Variants in FBXL13 observed in about 807,000 individuals in gnomAD.
FBXL13 encodes the protein F-box and leucine rich repeat protein 13.
FBXL13 carries 67 observed loss-of-function variants against 83.6 expected under a neutral mutation model. The observed-to-expected ratio is 0.80, with a 90% CI of 0.66 to 0.98. FBXL13 has a LOEUF of 0.98. Ranked by LOEUF, FBXL13 falls within the 50% of genes least tolerant of loss-of-function variation. The probability of loss-of-function intolerance (pLI) is 0.00; values close to 1 mark genes in which losing one functional copy is unlikely to be tolerated. For synonymous variants in FBXL13, 272 were observed against 299.5 expected, an observed-to-expected ratio of 0.91 and a Z score of 0.95; for missense variants, 822 against 866.5, an observed-to-expected ratio of 0.95 and a Z score of 0.64.
chr7:103,063,720 T>C (rs1798136505), intron 1 of FBXL13, among the ~76,000 whole-genome samples: 1 of 148,842 alleles, frequency 6.7e-6, no homozygotes. Context: ...GGCTTTTTTT[T>C]TTTTTTTTTT....
chr7:102,905,031 A>G (rs1813536908), intron 11 of FBXL13, among the ~76,000 whole-genome samples: 1 of 152,062 alleles, frequency 6.6e-6, no homozygotes, highest in South Asian at 2.1e-4. Flanking sequence ...GTGAACTAAC[A>G]TATGATCTAT....
intron 8 of FBXL13, among the ~76,000 whole-genome samples, chr7:102,951,734 G>A (rs1487649089): frequency 6.8e-6 from 1 of 147,706 alleles, no homozygotes; most frequent in African/African-American, 2.5e-5. Context: ...AAGCCCAACA[G>A]GTTGAGGCTG....
Position 102,832,903 on chromosome 7 carries a change from A to G in FBXL13, c.1791T>C (p.Ile597=), listed in dbSNP as rs368475601. 5.0e-6 allele frequency: 8 copies of G among 1,614,112 alleles called. No individual in the cohort carries two copies. In the African/African-American group the frequency reaches 1.1e-4, roughly 22 times the overall value. ...TGCAGTAAATGGCCAGTGCTTTGAT[A>G]ATCATATCTGACAGCTGGGAGCAAT... The change falls in exon 18 of 20, where the codon ATT becomes ATC. Residue 597 remains isoleucine (I), a synonymous_variant. Transcript: ENST00000313221.
chr7:102,934,202 A>G, intron 8 of FBXL13: 1 of 1,614,242 alleles, frequency 6.2e-7, no homozygotes, highest in Non-Finnish European at 8.5e-7. Context: ...CCGCACATTG[A>G]AGAACAACAT....
intron 6 of FBXL13, among the ~76,000 whole-genome samples, chr7:102,985,535 C>CT (rs1326863791): frequency 6.6e-6 from 1 of 152,190 alleles, no homozygotes; most frequent in Non-Finnish European, 1.5e-5. Context: ...GTGTTCAATA[C>CT]TTTTTTTCTA....
intron 18 of FBXL13, among the ~76,000 whole-genome samples, chr7:102,828,606 T>C (rs1800132090): frequency 1.3e-5 from 2 of 152,220 alleles, no homozygotes; most frequent in Admixed American, 1.3e-4. Flanking sequence ...CTTCATGCCT[T>C]TCCACTCCTA....
intron 17 of FBXL13, among the ~76,000 whole-genome samples, chr7:102,848,397 A>T (rs1220020342): frequency 2.0e-5 from 2 of 100,592 alleles, no homozygotes; most frequent in African/African-American, 1.2e-4. Context: ...TCTACTAAAA[A>T]TACAAAAAAT....
intron 11 of FBXL13, among the ~76,000 whole-genome samples, chr7:102,906,974 GT>G (rs869045881): frequency 6.6e-6 from 1 of 150,926 alleles, no homozygotes; most frequent in Admixed American, 6.6e-5. Context: ...GTTTGTTTTT[GT>G]TTTTTTTGGT....
rs144567080 is a variant in FBXL13, at chr7:102,967,445, G to A, written c.591+577C>T. On this transcript the variant is annotated intron_variant, in intron 7 of 19. Coordinates refer to ENST00000313221, the Ensembl canonical transcript of FBXL13. ...CTGCCACCATGCCTAGCTAATTTTT[G>A]TATTTTTAGTAGAGACAGGGTTTCA... 7.8e-3 allele frequency among the ~76,000 whole-genome samples: 1,188 copies of A among 152,202 alleles called. 17 individuals are homozygous for A. The highest frequency in any genetic ancestry group is 0.027 in the African/African-American group (1,130 of 41,534).
chr7:102,932,065 T>C, intron 8 of FBXL13, 132 bp from the exon 10 acceptor site: 3 of 749,458 alleles, frequency 4.0e-6, no homozygotes, highest in Non-Finnish European at 6.2e-6. Flanking sequence ...ATGTTCTAAG[T>C]ATATGGTTTC....
intron 16 of FBXL13, among the ~76,000 whole-genome samples, chr7:102,861,865 C>T (rs756908396): frequency 2.6e-5 from 4 of 151,690 alleles, no homozygotes; most frequent in Admixed American, 6.6e-5. Flanking sequence ...GCTTGTAATC[C>T]CGGCTACTCG....
At chr7:102,813,702 G>C (rs749406860) in intron 19 of FBXL13, among the ~76,000 whole-genome samples, 171 bp from the exon 21 acceptor site, 26 of 144,940 alleles carry the variant, frequency 1.8e-4, no homozygotes, top group Non-Finnish European at 3.2e-4. Flanking sequence ...AAATAAACAG[G>C]GTCCCAAAGC....
intron 2 of FBXL13, among the ~76,000 whole-genome samples, chr7:103,042,104 T>C (rs896674360): frequency 2.6e-5 from 4 of 152,212 alleles, no homozygotes; most frequent in Admixed American, 6.5e-5. Context: ...CTCCTTAAGC[T>C]GATAAGCAAC....
intron 19 of FBXL13, among the ~76,000 whole-genome samples, chr7:102,819,309 C>G (rs897295063): frequency 3.9e-5 from 6 of 152,090 alleles, no homozygotes; most frequent in Admixed American, 6.5e-5. Context: ...AATAAAGGAG[C>G]CTTTATCTTG....
intron 8 of FBXL13, among the ~76,000 whole-genome samples, chr7:102,941,552 CCT>C (rs1430284086): frequency 6.6e-6 from 1 of 152,148 alleles, no homozygotes; most frequent in Non-Finnish European, 1.5e-5. Context: ...TTGCAATTCC[CCT>C]GTCTTGATAA....
rs919108632 is a variant in FBXL13, at chr7:102,877,551, A to G, written c.1551T>C (p.His517=). Residue 517 remains histidine, a synonymous_variant, in exon 16 of 20, where the codon CAT becomes CAC. Coordinates refer to ENST00000313221, the Ensembl canonical transcript of FBXL13. ...TATATCCAATTCCTTGGGCAGTCAA[A>G]TGTTCACAATTTCGTAAACTCAAGT... 2.5e-6 allele frequency: 4 copies of G among 1,611,076 alleles called. No homozygotes were observed. In the African/African-American group the frequency reaches 5.3e-5, roughly 22 times the overall value.
chr7:102,934,773 T>C, intron 8 of FBXL13: 1 of 1,180,584 alleles, frequency 8.5e-7, no homozygotes, highest in Non-Finnish European at 1.2e-6. Flanking sequence ...CACCATGTCT[T>C]GGAATTCGTG....
Position 102,859,376 on chromosome 7 carries a change from C to T in FBXL13, c.1636-4516G>A, listed in dbSNP as rs545571894. On this transcript the variant is annotated intron_variant, in intron 16 of 19. Transcript: ENST00000313221. Reference sequence around the variant, plus strand: ...AATAAGTGAAACACACTATTTCAGGCAACAGGATTCACTTTTAATGTGGGT... The same window carrying T: ...AATAAGTGAAACACACTATTTCAGGTAACAGGATTCACTTTTAATGTGGGT... 2.5e-4 allele frequency among the ~76,000 whole-genome samples: 38 copies of T among 152,000 alleles called. 1 individual carries two copies. The South Asian group carries it at 7.9e-3, about 32-fold the overall frequency.
intron 6 of FBXL13, among the ~76,000 whole-genome samples, chr7:103,009,186 A>T (rs534690751): frequency 2.0e-5 from 3 of 152,328 alleles, no homozygotes; most frequent in South Asian, 4.1e-4. Context: ...TGACATATTA[A>T]TATGACATTT....
Sources: allele counts gnomAD v4.1 joint callset (sites outside exome capture counted in the v4.1 genomes callset), GRCh38; gene constraint gnomAD v4.1.1; transcripts MANE v1.5; gene names NCBI Gene and HGNC (gene_info 2026-07-23, HGNC 2026-07-21).